Variants in LARGE1 observed in about 807,000 individuals in gnomAD.
LARGE1 encodes xylosyl- and glucuronyltransferase LARGE1.
In LARGE1, 43 loss-of-function variants were observed where a neutral mutation model predicts 87.6. That is an observed-to-expected ratio of 0.49 (90% CI 0.38 to 0.63). LARGE1 has a LOEUF of 0.63. LARGE1 is among the 30% of genes least tolerant of loss of function. The pLI, the probability that LARGE1 is intolerant of heterozygous loss-of-function variation, is 0.00. For synonymous variants in LARGE1, 434 were observed against 394.6 expected, an observed-to-expected ratio of 1.10 and a Z score of -1.18; for missense variants, 802 against 1,000.2, an observed-to-expected ratio of 0.80 and a Z score of 2.67.
Position 33,513,661 on chromosome 22 carries a change from T to C in LARGE1, c.787+51187A>G, listed in dbSNP as rs535734977. On this transcript the variant is annotated intron_variant, in intron 6 of 14. Coordinates refer to ENST00000397394, the MANE Select transcript of LARGE1 (RefSeq NM_133642.5). ...TCTGTCTGGATTGCAACAGGACTGATAGAACCCTTGAGTTGGAAGAGACAA... is the reference window on the plus strand; with the variant it reads ...TCTGTCTGGATTGCAACAGGACTGACAGAACCCTTGAGTTGGAAGAGACAA... Among the ~76,000 whole-genome samples, 44 of 152,310 alleles carry C rather than the reference T, an allele frequency of 2.9e-4. 2 individuals are homozygous for C. Among genetic ancestry groups the C allele is most frequent in the South Asian group, 2.7e-3 (13 of 4,832 alleles).
chr22:33,443,825 T>C (rs1294477507), intron 6 of LARGE1, among the ~76,000 whole-genome samples: 1 of 152,250 alleles, frequency 6.6e-6, no homozygotes, highest in East Asian at 1.9e-4. Context: ...AACACAGAGC[T>C]GCTAGGCTCT....
At chr22:33,576,136 A>T (rs2078345353) in intron 5 of LARGE1, among the ~76,000 whole-genome samples, 1 of 152,196 alleles carries the variant, frequency 6.6e-6, no homozygotes, top group Admixed American at 6.5e-5. Context: ...TGCAATTCTT[A>T]TTACCGTGCA....
At chr22:33,788,569 G>A (rs1438928413) in intron 1 of LARGE1, among the ~76,000 whole-genome samples, 1 of 152,194 alleles carries the variant, frequency 6.6e-6, no homozygotes, top group Non-Finnish European at 1.5e-5. Flanking sequence ...TTGTTCAATG[G>A]CTTGGACCGA....
chr22:33,757,773 G>T (rs1449259536), intron 2 of LARGE1, among the ~76,000 whole-genome samples: 1 of 152,152 alleles, frequency 6.6e-6, no homozygotes, highest in Non-Finnish European at 1.5e-5. Context: ...AAAACTCAAG[G>T]GTGTCAATAA....
chr22:33,327,315 T>C (rs1421728265), intron 10 of LARGE1, among the ~76,000 whole-genome samples: 1 of 152,080 alleles, frequency 6.6e-6, no homozygotes, highest in Non-Finnish European at 1.5e-5. Flanking sequence ...CGTGAGAGAG[T>C]TAAGCTTGGA....
intron 10 of LARGE1, among the ~76,000 whole-genome samples, chr22:33,327,058 T>C (rs906530023): frequency 1.3e-5 from 2 of 152,200 alleles, no homozygotes; most frequent in Non-Finnish European, 2.9e-5. Flanking sequence ...GTTGGCGACA[T>C]GCGGCTCGCA....
At chr22:33,102,366 T>C in the LARGE1 span, among the ~76,000 whole-genome samples, 1 of 150,568 alleles carries the variant, frequency 6.6e-6, no homozygotes, top group Non-Finnish European at 1.5e-5. Flanking sequence ...AGAGAAGAGG[T>C]TTCACCATGT....
chr22:33,745,088 G>A (rs2084031523), intron 2 of LARGE1, among the ~76,000 whole-genome samples: 3 of 152,172 alleles, frequency 2.0e-5, no homozygotes, highest in Non-Finnish European at 4.4e-5. Context: ...AAGGAGCCGA[G>A]GGATTTCACC....
intron 1 of LARGE1, among the ~76,000 whole-genome samples, chr22:33,823,061 TTTG>T (rs2062684578): frequency 6.6e-6 from 1 of 152,198 alleles, no homozygotes; most frequent in Non-Finnish European, 1.5e-5. Context: ...GAAATAAATC[TTTG>T]TTATTTCAAC....
intron 6 of LARGE1, among the ~76,000 whole-genome samples, chr22:33,455,858 T>C (rs1233272839): frequency 6.6e-6 from 1 of 152,084 alleles, no homozygotes; most frequent in African/African-American, 2.4e-5. Flanking sequence ...AAGAGTGAGT[T>C]TGAATACTAA....
chr22:33,178,557 A>G (rs1231938604), intron 11 of LARGE1, among the ~76,000 whole-genome samples: 1 of 152,246 alleles, frequency 6.6e-6, no homozygotes, highest in African/African-American at 2.4e-5. Flanking sequence ...AACCCACAAC[A>G]TGAAAAATGA....
the LARGE1 span, among the ~76,000 whole-genome samples, chr22:33,143,774 T>C: frequency 6.6e-6 from 1 of 152,228 alleles, no homozygotes; most frequent in South Asian, 2.1e-4. Flanking sequence ...AGAATTAATA[T>C]CAAATCATTC....
At chr22:33,308,570 T>C (rs972574389) in intron 11 of LARGE1, among the ~76,000 whole-genome samples, 2 of 152,164 alleles carry the variant, frequency 1.3e-5, no homozygotes, top group Non-Finnish European at 2.9e-5. Context: ...CCTGGCCACA[T>C]GACTTGCTTT....
intron 1 of LARGE1, among the ~76,000 whole-genome samples, chr22:33,804,049 C>T (rs1485674993): frequency 6.6e-6 from 1 of 152,146 alleles, no homozygotes; most frequent in East Asian, 1.9e-4. Flanking sequence ...CTTGTTTATA[C>T]AGAAGAGAAT....
chr22:33,636,935 A>G (rs1233926898), intron 3 of LARGE1, among the ~76,000 whole-genome samples: 1 of 152,208 alleles, frequency 6.6e-6, no homozygotes, highest in Admixed American at 6.5e-5. Context: ...ATCATCAATA[A>G]TAATAACAAT....
chr22:33,312,438 C>CAAA (rs370832626), intron 11 of LARGE1, among the ~76,000 whole-genome samples: 1,009 of 56,304 alleles, frequency 0.018, 7 homozygotes, highest in Non-Finnish European at 0.03. Context: ...GACTCTGTCT[C>CAAA]AAAAAAAAAA....
In LARGE1 at chr22:33,296,104, C is replaced by T. The variant is rs76327401; in HGVS notation, c.1730+8125G>A. On this transcript the variant is annotated intron_variant, in intron 12 of 14. Coordinates refer to ENST00000397394, the MANE Select transcript of LARGE1 (RefSeq NM_133642.5). ...ATTCCTGTTTAATTACCCCACTGTC[C>T]TGATGTTTACTGTTAGTAATAATAG... is the stretch of plus-strand genomic sequence containing the variant. Among the ~76,000 whole-genome samples the T allele has an allele frequency of 3.9e-5, 6 of 152,344 alleles. No individual in the cohort carries two copies. The South Asian group carries it at 8.3e-4, about 21-fold the overall frequency.
intron 1 of LARGE1, among the ~76,000 whole-genome samples, chr22:33,775,627 G>A (rs748979756): frequency 6.6e-6 from 1 of 152,132 alleles, no homozygotes; most frequent in Non-Finnish European, 1.5e-5. Context: ...TGAAGTGGGT[G>A]GATCACCTGA....
At chr22:33,476,607 T>C in intron 6 of LARGE1, among the ~76,000 whole-genome samples, 1 of 152,214 alleles carries the variant, frequency 6.6e-6, no homozygotes, top group Non-Finnish European at 1.5e-5. Context: ...ACTTTCTAAA[T>C]TGATTGAGAC....
Sources: allele counts gnomAD v4.1 joint callset (sites outside exome capture counted in the v4.1 genomes callset), GRCh38; gene constraint gnomAD v4.1.1; transcripts MANE v1.5; gene names NCBI Gene and HGNC (gene_info 2026-07-23, HGNC 2026-07-21).